MAK: variants seen among roughly 807,000 people sequenced by gnomAD.
The protein encoded by MAK is serine/threonine-protein kinase MAK.
Under a neutral mutation model 82.6 loss-of-function variants are expected in MAK, and 65 were observed. That is an observed-to-expected ratio of 0.79 (90% CI 0.64 to 0.97). The LOEUF (loss-of-function observed/expected upper bound fraction) is 0.97, where lower values mean the gene tolerates loss of function less well. Among genes scored for constraint, MAK ranks in the 50% least tolerant of loss-of-function variants. The pLI, the probability that MAK is intolerant of heterozygous loss-of-function variation, is 0.00. For synonymous variants in MAK, 250 were observed against 274.2 expected (o/e 0.91, Z 0.87); for missense variants, 703 against 780.2 (o/e 0.90, Z 1.18).
rs780760143 is a variant in MAK, at chr6:10,770,240, TATC to T, written c.1673-13_1673-11del. On this transcript the variant is annotated splice_polypyrimidine_tract_variant and intron_variant, in intron 13 of 14. Coordinates refer to ENST00000354489, the MANE Select transcript of MAK (RefSeq NM_001242957.3). Reference sequence around the variant, plus strand: ...TAACTTCCAAGATTTCCTAGTGACATATCATAAAGTTTCACAGTCAGAAGGTGA... The same window carrying T: ...TAACTTCCAAGATTTCCTAGTGACATATAAAGTTTCACAGTCAGAAGGTGA... 3 of 1,613,676 alleles carry T rather than the reference TATC, an allele frequency of 1.9e-6. No homozygotes were observed. The highest frequency in any genetic ancestry group is 1.1e-5 in the South Asian group (1 of 91,082).
At chr6:10,784,379 A>G in intron 11 of MAK, 45 bp downstream of exon 11, 1 of 1,606,826 alleles carries the variant, frequency 6.2e-7, no homozygotes, top group Non-Finnish European at 8.5e-7. Context: ...AACCTGACCT[A>G]TCTATACTCT....
chr6:10,804,979 A>T (rs1343285726), intron 6 of MAK, among the ~76,000 whole-genome samples: 11 of 145,654 alleles, frequency 7.6e-5, no homozygotes, highest in African/African-American at 2.3e-4. Context: ...TTTCTCCAGG[A>T]CTCCAGCTTC....
chr6:10,781,447 AG>A (rs1219123136), intron 11 of MAK, among the ~76,000 whole-genome samples: 2 of 145,316 alleles, frequency 1.4e-5, no homozygotes, highest in African/African-American at 5.2e-5. Context: ...TTTTTGAGAC[AG>A]AGTCTCACTC....
At chr6:10,825,110 T>C (rs1778265629) in intron 2 of MAK, among the ~76,000 whole-genome samples, 1 of 152,200 alleles carries the variant, frequency 6.6e-6, no homozygotes, top group Admixed American at 6.5e-5. Flanking sequence ...AAGAGTTTGC[T>C]CGTATTATTC....
chr6:10,832,808 TA>T (rs1778904392), intron 1 of MAK, among the ~76,000 whole-genome samples: 1 of 152,192 alleles, frequency 6.6e-6, no homozygotes, highest in Non-Finnish European at 1.5e-5. Flanking sequence ...CACAATAAGA[TA>T]TTTTTAAATT....
At position 10,773,118 on chromosome 6, in the gene MAK, A is replaced by G; in HGVS notation, c.1598-10T>C. The G allele has an allele frequency of 1.4e-6, 2 of 1,404,636 alleles. No homozygotes were observed. Among genetic ancestry groups the G allele is most frequent in the Non-Finnish European group, 1.9e-6 (2 of 1,033,798 alleles). 87.0% of individuals were successfully genotyped at this position (1,404,636 alleles called of 1,614,324 possible). On this transcript the variant is annotated splice_polypyrimidine_tract_variant and intron_variant, in intron 12 of 14. Coordinates refer to ENST00000354489, the MANE Select transcript of MAK (RefSeq NM_001242957.3). ...TTAATTATGCTTTCTTCTAAAGAGA[A>G]GACAGATGGAAAGAAAGAATAATAG...
At chr6:10,818,163 C>G (rs1330236550) in intron 3 of MAK, among the ~76,000 whole-genome samples, 192 bp from the exon 4 acceptor site, 1 of 152,126 alleles carries the variant, frequency 6.6e-6, no homozygotes, top group Non-Finnish European at 1.5e-5. Context: ...ATAAATCAAG[C>G]CAACAATAGC....
At chr6:10,775,109 T>C (rs889861236) in intron 12 of MAK, among the ~76,000 whole-genome samples, 4 of 152,112 alleles carry the variant, frequency 2.6e-5, no homozygotes, top group Non-Finnish European at 5.9e-5. Context: ...TGAACCACCA[T>C]GCTCATCCAG....
intron 5 of MAK, among the ~76,000 whole-genome samples, chr6:10,811,750 A>G (rs911341877): frequency 1.3e-5 from 2 of 152,238 alleles, no homozygotes; most frequent in African/African-American, 4.8e-5. Flanking sequence ...GGTGCAAATA[A>G]AAAGTTTTTT....
chr6:10,836,976 ATTG>A (rs1444036273), intron 1 of MAK, among the ~76,000 whole-genome samples: 2 of 152,326 alleles, frequency 1.3e-5, no homozygotes, highest in East Asian at 3.9e-4. Context: ...TAAGTGCACA[ATTG>A]TTGTAAATAT....
At chr6:10,779,190 G>A (rs1392683774) in intron 11 of MAK, 1 of 199,024 alleles carries the variant, frequency 5.0e-6, no homozygotes, top group Admixed American at 6.6e-5. Context: ...GGCCAGCAGT[G>A]GTGGCATCGA....
chr6:10,805,584 AAAAG>A (rs1397276658), intron 6 of MAK, among the ~76,000 whole-genome samples: 2 of 151,900 alleles, frequency 1.3e-5, no homozygotes, highest in South Asian at 2.1e-4. Context: ...AAAAAAAAAA[AAAAG>A]AAGTTTGGTG....
intron 12 of MAK, 27 bp downstream of exon 12, chr6:10,775,301 C>T: frequency 6.2e-7 from 1 of 1,610,162 alleles, no homozygotes; most frequent in East Asian, 2.2e-5. Flanking sequence ...AAACCCCGTA[C>T]ATGTACATTT....
intron 11 of MAK, among the ~76,000 whole-genome samples, chr6:10,777,324 A>G (rs1236636507): frequency 6.6e-6 from 1 of 152,114 alleles, no homozygotes; most frequent in South Asian, 2.1e-4. Context: ...AGGCACGAGA[A>G]TCACTTGAAC....
intron 6 of MAK, among the ~76,000 whole-genome samples, chr6:10,807,586 C>T (rs1776591731): frequency 6.6e-6 from 1 of 151,706 alleles, no homozygotes; most frequent in African/African-American, 2.4e-5. Context: ...AGTGATCCCC[C>T]ACCTCGGCCT....
chr6:10,787,672 C>T (rs750985370), intron 10 of MAK, among the ~76,000 whole-genome samples: 1 of 152,042 alleles, frequency 6.6e-6, no homozygotes, highest in East Asian at 1.9e-4. Context: ...TCCTGGCTAA[C>T]ATGGTGAAAC....
At chr6:10,786,307 T>C (rs1419707270) in intron 10 of MAK, among the ~76,000 whole-genome samples, 1 of 152,226 alleles carries the variant, frequency 6.6e-6, no homozygotes, top group Non-Finnish European at 1.5e-5. Context: ...TGTTAGTATT[T>C]GGTACTCTGT....
chr6:10,792,075 G>C (rs1407251022), intron 9 of MAK, among the ~76,000 whole-genome samples: 4 of 152,208 alleles, frequency 2.6e-5, no homozygotes, highest in African/African-American at 9.6e-5. Flanking sequence ...AGGTTGGTGA[G>C]AGACTTGAAT....
intron 2 of MAK, among the ~76,000 whole-genome samples, chr6:10,825,221 G>T (rs1327211313): frequency 6.6e-6 from 1 of 152,186 alleles, no homozygotes; most frequent in Non-Finnish European, 1.5e-5. Context: ...AATGCTAACC[G>T]CTCAGCATGA....
Sources: gnomAD v4.1 joint callset for allele counts (sites outside exome capture counted in the v4.1 genomes callset) on GRCh38, gnomAD v4.1.1 for gene constraint, MANE v1.5 for transcripts, NCBI Gene and HGNC (gene_info 2026-07-23, HGNC 2026-07-21) for gene names.